Variants in CGNL1 observed in about 807,000 individuals in gnomAD.
The protein encoded by CGNL1 is cingulin like 1.
In CGNL1, 132 loss-of-function variants were observed where a neutral mutation model predicts 141.2. That is an observed-to-expected ratio of 0.93 (90% CI 0.81 to 1.08). The LOEUF is 1.08. Among genes scored for constraint, CGNL1 ranks in the 50% least tolerant of loss-of-function variants. CGNL1 has a pLI of 0.00. For synonymous variants in CGNL1, 690 were observed against 622.1 expected, an observed-to-expected ratio of 1.11 and a Z score of -1.63; for missense variants, 1,870 against 1,588.6, an observed-to-expected ratio of 1.18 and a Z score of -3.01.
intron 1 of CGNL1, among the ~76,000 whole-genome samples, chr15:57,435,814 G>A (rs1281346508): frequency 6.6e-6 from 1 of 152,060 alleles, no homozygotes; most frequent in African/African-American, 2.4e-5. Context: ...TTGTACAGAT[G>A]GATAGATTTT....
chr15:57,408,860 C>T (rs1445256790), intron 1 of CGNL1, among the ~76,000 whole-genome samples: 2 of 151,938 alleles, frequency 1.3e-5, no homozygotes, highest in Admixed American at 6.6e-5. Context: ...GCCAACATGG[C>T]GAAACCTCAT....
chr15:57,502,281 A>G (rs1257935393), intron 8 of CGNL1, among the ~76,000 whole-genome samples: 1 of 152,206 alleles, frequency 6.6e-6, no homozygotes, highest in Non-Finnish European at 1.5e-5. Context: ...GTAGGAATGC[A>G]GACATCAGCT....
At chr15:57,518,675 G>C (rs549937420) in intron 10 of CGNL1, among the ~76,000 whole-genome samples, 178 bp downstream of exon 10, 2 of 152,312 alleles carry the variant, frequency 1.3e-5, no homozygotes, top group East Asian at 1.9e-4. Flanking sequence ...AACTGGGGGG[G>C]ATTTGGTAAT....
intron 1 of CGNL1, among the ~76,000 whole-genome samples, chr15:57,403,874 TA>T (rs149548044): frequency 0.014 from 2,086 of 152,270 alleles, 58 homozygotes; most frequent in African/African-American, 0.048. Context: ...CCCTGCCTTT[TA>T]GAAGACAGAT....
chr15:57,460,080 G>A (rs12913457), intron 7 of CGNL1, among the ~76,000 whole-genome samples: 4 of 152,024 alleles, frequency 2.6e-5, no homozygotes, highest in Non-Finnish European at 5.9e-5. Context: ...CATAGATTTT[G>A]GGAAGAGGGA....
intron 1 of CGNL1, among the ~76,000 whole-genome samples, chr15:57,430,889 G>T (rs2063037025): frequency 6.6e-6 from 1 of 152,060 alleles, no homozygotes; most frequent in South Asian, 2.1e-4. Context: ...GCCGGCTCAT[G>T]TTTTATATTT....
chr15:57,448,443 G>A (rs915660100), intron 4 of CGNL1, among the ~76,000 whole-genome samples: 1 of 152,156 alleles, frequency 6.6e-6, no homozygotes, highest in Non-Finnish European at 1.5e-5. Context: ...GAGATCGGGA[G>A]TTCCAGATCA....
At chr15:57,402,435 A>G (rs2062670411) in intron 1 of CGNL1, among the ~76,000 whole-genome samples, 1 of 152,180 alleles carries the variant, frequency 6.6e-6, no homozygotes, top group Non-Finnish European at 1.5e-5. Context: ...ACACAGCCTC[A>G]GGTATTCCTT....
chr15:57,378,084 G>A (rs1192793369), intron 1 of CGNL1, among the ~76,000 whole-genome samples: 1 of 152,158 alleles, frequency 6.6e-6, no homozygotes, highest in Non-Finnish European at 1.5e-5. Context: ...GCACATCTGA[G>A]ATGACACCTG....
intron 12 of CGNL1, among the ~76,000 whole-genome samples, chr15:57,526,864 A>C (rs1301671503): frequency 1.3e-5 from 2 of 151,970 alleles, no homozygotes; most frequent in African/African-American, 4.8e-5. Context: ...GCAGTGGAGG[A>C]GGGCACGCTG....
rs545820145 is a variant in CGNL1 at position 57,465,570 on chromosome 15, T to G, written c.2403+3678T>G. Among the ~76,000 whole-genome samples the G allele has an allele frequency of 3.3e-5, 5 of 152,094 alleles. No individual in the cohort carries two copies. In the East Asian group the frequency reaches 9.7e-4, roughly 29 times the overall value. The stretch of plus-strand genomic sequence containing the variant: ...CACACCTGACTAATTTTTGTATTTT[T>G]AGTAGAGACCGGGTTTCACCATGTT... On this transcript the variant is annotated intron_variant, in intron 8 of 18. Coordinates refer to ENST00000281282, the MANE Select transcript of CGNL1 (RefSeq NM_032866.5).
At chr15:57,517,531 A>G (rs1292161545) in intron 9 of CGNL1, among the ~76,000 whole-genome samples, 1 of 152,218 alleles carries the variant, frequency 6.6e-6, no homozygotes, top group African/African-American at 2.4e-5. Flanking sequence ...TGCTGCTATC[A>G]TGGAATACCA....
intron 13 of CGNL1, 118 bp downstream of exon 13, chr15:57,528,933 C>A: frequency 9.3e-7 from 1 of 1,079,816 alleles, no homozygotes; most frequent in Non-Finnish European, 1.3e-6. Flanking sequence ...TTTATTCTCT[C>A]CCACAGCTGG....
Position 57,531,718 on chromosome 15 carries a change from T to A in CGNL1, c.3230T>A (p.Leu1077Gln). 2 of 1,613,180 alleles carry A rather than the reference T, an allele frequency of 1.2e-6. No homozygotes were observed. The highest frequency in any genetic ancestry group is 1.1e-5 in the South Asian group (1 of 91,052). Residue 1077 changes from leucine to glutamine, a missense_variant, in exon 14 of 19, where the codon CTG becomes CAG. Transcript: ENST00000281282. ...AAGGTGTCTCAACTGGAGATGGAAC[T>A]GGAAGAAGAGAGAAACAACTCAGAT... ...EDKVSQLEME[L>Q]EEERNNSDLL...
At chr15:57,480,731 T>TA (rs564012796) in intron 8 of CGNL1, among the ~76,000 whole-genome samples, 3 of 152,074 alleles carry the variant, frequency 2.0e-5, no homozygotes, top group East Asian at 1.9e-4. Flanking sequence ...TAATATTCAT[T>TA]AAAAAAAATT....
intron 1 of CGNL1, among the ~76,000 whole-genome samples, chr15:57,413,809 C>T (rs907782087): frequency 5.9e-5 from 9 of 152,176 alleles, no homozygotes; most frequent in African/African-American, 9.7e-5. Flanking sequence ...TCTCTACCAT[C>T]GGGCACGCTT....
chr15:57,483,511 G>T (rs2063752361), intron 8 of CGNL1, among the ~76,000 whole-genome samples: 1 of 128,958 alleles, frequency 7.8e-6, no homozygotes, highest in African/African-American at 2.9e-5. Flanking sequence ...TAGATTCCTT[G>T]GGATTTTTTA....
intron 1 of CGNL1, among the ~76,000 whole-genome samples, chr15:57,424,460 C>T (rs1051144665): frequency 3.3e-5 from 5 of 152,186 alleles, no homozygotes; most frequent in African/African-American, 1.2e-4. Flanking sequence ...CTTGTCTCCC[C>T]ATCTAACTGC....
At chr15:57,539,284 G>A (rs1178202509) in intron 14 of CGNL1, among the ~76,000 whole-genome samples, 1 of 151,628 alleles carries the variant, frequency 6.6e-6, no homozygotes, top group Non-Finnish European at 1.5e-5. Context: ...CCTTCCCTTT[G>A]AGCTACAGGC....
Sources: gnomAD v4.1 joint callset for allele counts (sites outside exome capture counted in the v4.1 genomes callset) on GRCh38, gnomAD v4.1.1 for gene constraint, MANE v1.5 for transcripts, NCBI Gene and HGNC (gene_info 2026-07-23, HGNC 2026-07-21) for gene names.